The following CDYL variants were observed in gnomAD, a reference collection of about 807,000 sequenced individuals.
CDYL encodes chromodomain Y like.
A neutral mutation model predicts 47.3 loss-of-function variants in CDYL; 8 were observed. The ratio of observed to expected loss-of-function variants is 0.17; its 90% CI spans 0.10 to 0.31. The LOEUF (loss-of-function observed/expected upper bound fraction) is 0.31. Among genes scored for constraint, CDYL ranks in the 10% least tolerant of loss-of-function variants. CDYL has a pLI of 1.00. For synonymous variants in CDYL, 266 were observed against 265.0 expected (o/e 1.00, Z -0.04); for missense variants, 471 against 701.4 (o/e 0.67, Z 3.71).
At chr6:4,842,085 AT>A (rs1365848686) in intron 1 of CDYL, among the ~76,000 whole-genome samples, 1 of 143,234 alleles carries the variant, frequency 7.0e-6, no homozygotes, top group Non-Finnish European at 1.5e-5. Context: ...ATAATTATAT[AT>A]TATTTATATC....
intron 1 of CDYL, among the ~76,000 whole-genome samples, chr6:4,871,622 A>G (rs1761477139): frequency 1.3e-5 from 2 of 152,174 alleles, no homozygotes; most frequent in Non-Finnish European, 2.9e-5. Flanking sequence ...GCTAGTGTCA[A>G]ACCTGGAGCC....
intron 1 of CDYL, among the ~76,000 whole-genome samples, chr6:4,828,501 A>G (rs1395463960): frequency 6.6e-6 from 1 of 152,152 alleles, no homozygotes; most frequent in Non-Finnish European, 1.5e-5. Flanking sequence ...AATCTTATTA[A>G]GGATACCTTG....
intron 2 of CDYL, among the ~76,000 whole-genome samples, chr6:4,903,753 C>T (rs1757141691): frequency 6.6e-6 from 1 of 152,198 alleles, no homozygotes; most frequent in South Asian, 2.1e-4. Context: ...CAGTTGCTGG[C>T]TCCTGAGTAT....
chr6:4,769,968 TGTG>T (rs1758314223), intron 3 of CDYL, among the ~76,000 whole-genome samples: 3 of 56,452 alleles, frequency 5.3e-5, no homozygotes, highest in Admixed American at 2.9e-4. Flanking sequence ...GGCTAATTTG[TGTG>T]TGTGTGTGTG....
chr6:4,859,897 CT>C (rs1304100780), intron 1 of CDYL, among the ~76,000 whole-genome samples: 1 of 147,152 alleles, frequency 6.8e-6, no homozygotes, highest in Non-Finnish European at 1.5e-5. Context: ...CTTTTTTTGT[CT>C]TTTTTTTTCT....
Position 4,784,607 on chromosome 6 carries a change from G to T in CDYL, c.24+7800G>T, listed in dbSNP as rs1363693906. ...GCAAAATGTTCAATGTCTTTGTTCG[G>T]CATGCCTTGATATATAGTCTTGTAC... On this transcript the variant is annotated intron_variant, in intron 1 of 6. Transcript: ENST00000397588. 4.6e-5 allele frequency among the ~76,000 whole-genome samples: 7 copies of T among 152,266 alleles called. No homozygotes were observed. The East Asian group carries it at 1.2e-3, about 25-fold the overall frequency.
At chr6:4,809,223 T>G (rs908197832) in intron 1 of CDYL, among the ~76,000 whole-genome samples, 4 of 152,374 alleles carry the variant, frequency 2.6e-5, no homozygotes, top group African/African-American at 9.6e-5. Context: ...TTGACTTTTT[T>G]CACTTATCAA....
At chr6:4,883,115 T>C (rs1307152178) in intron 1 of CDYL, among the ~76,000 whole-genome samples, 1 of 152,092 alleles carries the variant, frequency 6.6e-6, no homozygotes, top group East Asian at 1.9e-4. Flanking sequence ...TGGGTATGAG[T>C]AGGGTATCAT....
At chr6:4,917,706 TG>T (rs1263792487) in intron 2 of CDYL, among the ~76,000 whole-genome samples, 1 of 152,218 alleles carries the variant, frequency 6.6e-6, no homozygotes, top group South Asian at 2.1e-4. Flanking sequence ...AAAGTATAGA[TG>T]GCAAGTTTTC....
chr6:4,865,156 C>T (rs1305919777), intron 1 of CDYL, among the ~76,000 whole-genome samples: 1 of 152,164 alleles, frequency 6.6e-6, no homozygotes, highest in Non-Finnish European at 1.5e-5. Flanking sequence ...CCCCTGGTCA[C>T]CTGCTCTGCC....
chr6:4,902,692 A>G (rs796131068), intron 2 of CDYL, among the ~76,000 whole-genome samples: 1 of 152,160 alleles, frequency 6.6e-6, no homozygotes, highest in Non-Finnish European at 1.5e-5. Flanking sequence ...CATCAGTCAC[A>G]TTAATTACAC....
intron 1 of CDYL, among the ~76,000 whole-genome samples, chr6:4,791,944 G>A (rs1224333024): frequency 1.3e-5 from 2 of 148,802 alleles, no homozygotes; most frequent in South Asian, 2.1e-4. Context: ...GTGCAGTGGC[G>A]CGATCTCAGC....
At chr6:4,945,862 A>G (rs1758498260) in intron 5 of CDYL, among the ~76,000 whole-genome samples, 1 of 152,198 alleles carries the variant, frequency 6.6e-6, no homozygotes, top group African/African-American at 2.4e-5. Flanking sequence ...TCTGGTCACA[A>G]CGCACCACCC....
intron 1 of CDYL, among the ~76,000 whole-genome samples, chr6:4,819,838 A>ACATC (rs144923005): frequency 0.045 from 6,898 of 152,208 alleles, 524 homozygotes; most frequent in African/African-American, 0.16. Context: ...ATTCTGCTGA[A>ACATC]CATCCTGCCA....
intron 3 of CDYL, among the ~76,000 whole-genome samples, chr6:4,768,417 TC>T (rs1758288115): frequency 6.6e-6 from 1 of 151,972 alleles, no homozygotes; most frequent in African/African-American, 2.4e-5. Flanking sequence ...AAGGAAGTGA[TC>T]AAAATATACA....
At chr6:4,860,441 G>A (rs1391024599) in intron 1 of CDYL, among the ~76,000 whole-genome samples, 1 of 150,590 alleles carries the variant, frequency 6.6e-6, no homozygotes, top group Non-Finnish European at 1.5e-5. Context: ...TCTCCAGTTG[G>A]GGAGCTTGTT....
At chr6:4,938,411 A>G (rs966811458) in intron 4 of CDYL, among the ~76,000 whole-genome samples, 4 of 152,060 alleles carry the variant, frequency 2.6e-5, no homozygotes, top group Non-Finnish European at 5.9e-5. Flanking sequence ...CTTTTTCTGA[A>G]CATTTTGTTA....
At chr6:4,717,458 AGG>A (rs1157730295) in intron 2 of CDYL, among the ~76,000 whole-genome samples, 1 of 151,944 alleles carries the variant, frequency 6.6e-6, no homozygotes, top group African/African-American at 2.4e-5. Flanking sequence ...GGCCTTTGGG[AGG>A]CTGAGGTGAG....
chr6:4,801,917 A>G (rs1172127929), intron 1 of CDYL, among the ~76,000 whole-genome samples: 2 of 152,202 alleles, frequency 1.3e-5, no homozygotes, highest in Non-Finnish European at 2.9e-5. Context: ...TCCTCAGCAC[A>G]TATGTAGTAT....
Sources: gnomAD v4.1 joint callset for allele counts (sites outside exome capture counted in the v4.1 genomes callset) on GRCh38, gnomAD v4.1.1 for gene constraint, MANE v1.5 for transcripts, NCBI Gene and HGNC (gene_info 2026-07-23, HGNC 2026-07-21) for gene names.